GPX5: variants seen among roughly 807,000 people sequenced by gnomAD.
The protein encoded by GPX5 is glutathione peroxidase 5.
In GPX5, 20 loss-of-function variants were observed where a neutral mutation model predicts 23.8. The ratio of observed to expected loss-of-function variants is 0.84; its 90% CI spans 0.59 to 1.22. GPX5 has a LOEUF of 1.22. Among genes scored for constraint, GPX5 ranks in the 50% most tolerant of loss-of-function variants. The probability of loss-of-function intolerance (pLI) is 0.00; values close to 1 mark genes in which losing one functional copy is unlikely to be tolerated. For synonymous variants in GPX5, 92 were observed against 99.5 expected, an observed-to-expected ratio of 0.92 and a Z score of 0.45; for missense variants, 230 against 266.6, an observed-to-expected ratio of 0.86 and a Z score of 0.96.
intron 1 of GPX5, chr6:28,528,337 C>T (rs1041024108): frequency 6.6e-6 from 1 of 152,092 alleles, no homozygotes; most frequent in African/African-American, 2.4e-5. Context: ...CTTCATTTTA[C>T]TCATGGGGAA....
At chr6:28,529,634 G>A in intron 2 of GPX5, 30 bp downstream of exon 2, 1 of 1,514,754 alleles carries the variant, frequency 6.6e-7, no homozygotes, top group Non-Finnish European at 8.9e-7. Flanking sequence ...CTTCTCTTTG[G>A]GACTAAATTT....
At chr6:28,529,403 G>A (rs745779133) in intron 1 of GPX5, 48 bp from the exon 2 acceptor site, 1 of 1,455,886 alleles carries the variant, frequency 6.9e-7, no homozygotes, top group Non-Finnish European at 9.4e-7. Flanking sequence ...TTACACAGAT[G>A]CCAGGAATTA....
Position 28,525,938 on chromosome 6 carries a change from C to T in GPX5, c.-76C>T. On this transcript the variant is annotated 5_prime_UTR_variant, in exon 1 of 5. Coordinates refer to ENST00000412168, the MANE Select transcript of GPX5 (RefSeq NM_001509.3). ...GCCTGTGGGGGCTTGGGCTAAGTCC[C>T]TGCCAAGATACCAAAAGACTGCAGA... is the stretch of plus-strand genomic sequence containing the variant. 9.0e-7 allele frequency: 1 copy of T among 1,105,084 alleles called. No individual in the cohort carries two copies. Among genetic ancestry groups the T allele is most frequent in the Non-Finnish European group, 1.4e-6 (1 of 720,690 alleles). 68.5% of individuals were successfully genotyped at this position (1,105,084 alleles called of 1,614,324 possible).
chr6:28,532,367 G>A lies in GPX5; in HGVS notation c.406G>A (p.Glu136Lys). Residue 136 changes from glutamate (E) to lysine (K), a missense_variant, in exon 4 of 5, where the codon GAG becomes AAG. Physicochemically the swap from Glu to Lys is moderately conservative, Grantham distance 56. Coordinates refer to ENST00000412168, the MANE Select transcript of GPX5 (RefSeq NM_001509.3). The part of the protein sequence containing the change: ...GGFVPSFQLF[E>K]KGDVNGEKEQ... ...ATTTGTACCTAGTTTCCAGCTTTTT[G>A]AGAAAGGGGATGTGAATGGTGAAAA... The A allele has an allele frequency of 6.3e-7, 1 of 1,591,214 alleles. No homozygotes were observed.
intron 3 of GPX5, among the ~76,000 whole-genome samples, 182 bp from the exon 4 acceptor site, chr6:28,532,139 A>G (rs1298543412): frequency 6.6e-6 from 1 of 152,192 alleles, no homozygotes; most frequent in Non-Finnish European, 1.5e-5. Context: ...GAGACAAGTC[A>G]TGGGATAGAG....
At chr6:28,530,228 C>T (rs1763288265) in intron 2 of GPX5, 1 of 152,188 alleles carries the variant, frequency 6.6e-6, no homozygotes, top group Non-Finnish European at 1.5e-5. Flanking sequence ...TACTCCCTCT[C>T]CAACCTCAAC....
rs761191669 is a variant in GPX5 at position 28,529,476 on chromosome 6, G to T, written c.113G>T (p.Gly38Val). 1 of 1,608,880 alleles carries T rather than the reference G, an allele frequency of 6.2e-7. No homozygotes were observed. The change falls in exon 2 of 5, where the codon GGC (glycine) becomes GTC (valine). Residue 38 changes from glycine to valine, a missense_variant. Coordinates refer to ENST00000412168, the MANE Select transcript of GPX5 (RefSeq NM_001509.3). ...ATGGATTGCCACAAAGACGAGAAAGGCACCATCTATGACTATGAGGCCATC... is the reference window on the plus strand; with the variant it reads ...ATGGATTGCCACAAAGACGAGAAAGTCACCATCTATGACTATGAGGCCATC... ...MKMDCHKDEK[G>V]TIYDYEAIAL... is the part of the protein sequence containing the mutation.
intron 2 of GPX5, chr6:28,530,136 A>C (rs1017462903): frequency 6.6e-6 from 1 of 152,256 alleles, no homozygotes; most frequent in African/African-American, 2.4e-5. Flanking sequence ...GTAACTTACA[A>C]TGACAAGAAA....
chr6:28,532,773 C>T (rs777866083), intron 4 of GPX5, among the ~76,000 whole-genome samples: 4 of 152,164 alleles, frequency 2.6e-5, no homozygotes, highest in East Asian at 3.9e-4. Context: ...ATGAATAAGG[C>T]ATAGTCTGTA....
intron 1 of GPX5, among the ~76,000 whole-genome samples, chr6:28,528,848 T>TGGTAC (rs1397175783): frequency 4.1e-5 from 1 of 24,500 alleles, no homozygotes; most frequent in Admixed American, 3.1e-4. Flanking sequence ...TATATATATA[T>TGGTAC]ATATATATAT....
At chr6:28,533,364 G>T (rs1763362550) in intron 4 of GPX5, among the ~76,000 whole-genome samples, 1 of 152,004 alleles carries the variant, frequency 6.6e-6, no homozygotes, top group African/African-American at 2.4e-5. Context: ...ACCCCAGCCT[G>T]GGCGACACAG....
At position 28,526,023 on chromosome 6, in the gene GPX5, C is replaced by T; in HGVS notation, c.10C>T (p.Gln4Ter). ...TCTACAAACACTAGTCATGACTACA[C>T]AGTTAAGGGTCGTCCATCTGCTTCC... MTT[Q>*]LRVVHLLPLL... is the part of the protein sequence containing the mutation. The change falls in exon 1 of 5, where the codon CAG becomes TAG. Residue 4 changes from glutamine (Q) to a stop codon, truncating the protein, a stop_gained. Transcript: ENST00000412168. LOFTEE classifies it high-confidence loss of function. 6.2e-7 allele frequency: 1 copy of T among 1,611,872 alleles called. No individual in the cohort carries two copies. Among genetic ancestry groups the T allele is most frequent in the South Asian group, 1.1e-5 (1 of 91,004 alleles).
At position 28,533,966 on chromosome 6, in the gene GPX5, CT is replaced by C; in HGVS notation, c.466del (p.Cys156ValfsTer19). On this transcript the variant is annotated frameshift_variant, in exon 5 of 5. Transcript: ENST00000412168. LOFTEE classifies it high-confidence loss of function. ...QKVFSFLKHS[C>X]PHPSEILGTF... ...TTTCCATCTCTCTGGTTTAGCACTC[CT>C]GTCCTCATCCCTCTGAGATTTTGGG... is the stretch of plus-strand genomic sequence containing the variant. The C allele has an allele frequency of 1.3e-6, 2 of 1,576,488 alleles. No homozygotes were observed. The highest frequency in any genetic ancestry group is 1.7e-6 in the Non-Finnish European group (2 of 1,161,108).
intron 2 of GPX5, chr6:28,530,212 A>G (rs978806168): frequency 6.6e-6 from 1 of 152,204 alleles, no homozygotes; most frequent in African/African-American, 2.4e-5. Context: ...CTGTAATAGA[A>G]GCAAATACTC....
intron 2 of GPX5, among the ~76,000 whole-genome samples, 179 bp from the exon 3 acceptor site, chr6:28,531,599 G>A (rs145803742): frequency 3.9e-5 from 6 of 152,108 alleles, no homozygotes; most frequent in East Asian, 1.9e-4. Flanking sequence ...GCTTTTGAGC[G>A]CACGTCTGAA....
chr6:28,532,514 G>A (rs1763348710), intron 4 of GPX5, 94 bp downstream of exon 4: 4 of 812,684 alleles, frequency 4.9e-6, no homozygotes, highest in Non-Finnish European at 8.0e-6. Flanking sequence ...CTCATGCCCA[G>A]AGGTGGGATT....
intron 1 of GPX5, 150 bp downstream of exon 1, chr6:28,526,250 T>G (rs1034379541): frequency 3.1e-6 from 2 of 649,956 alleles, no homozygotes; most frequent in Non-Finnish European, 5.5e-6. Flanking sequence ...TTGAATCTTC[T>G]TCATTCCTAT....
chr6:28,531,398 AG>A lies in GPX5; in HGVS notation c.242-379del, dbSNP rs1562010451. Reference sequence around the variant, plus strand: ...AAAAAAAAAAAAAAAAAAAAAGAAAAGAAAAGAAAAGAAAAGAAAAGAAAAG... The same window carrying A: ...AAAAAAAAAAAAAAAAAAAAAGAAAAAAAAGAAAAGAAAAGAAAAGAAAAG... On this transcript the variant is annotated intron_variant, in intron 2 of 4. Transcript: ENST00000412168. 1.1e-3 allele frequency among the ~76,000 whole-genome samples: 101 copies of A among 94,008 alleles called. 1 individual carries two copies. Among genetic ancestry groups the A allele is most frequent in the African/African-American group, 1.3e-3 (31 of 23,512 alleles). The allele number at this position is 94,008 out of a possible 152,430, so 61.7% of individuals were successfully genotyped here. A position where few individuals can be genotyped will look rare whatever the true frequency, so the allele number is the denominator to read the frequency against.
rs549213560 is a variant in GPX5, at chr6:28,531,325, C to T, written c.242-453C>T. On this transcript the variant is annotated intron_variant, in intron 2 of 4. Coordinates refer to ENST00000412168, the MANE Select transcript of GPX5 (RefSeq NM_001509.3). ...GACGGAGGTTGCAGTGAGCCGAGAT[C>T]GCGCCACTGCACTCCAGCCTGGGCG... Among the ~76,000 whole-genome samples, 7 of 137,714 alleles carry T rather than the reference C, an allele frequency of 5.1e-5. No individual in the cohort carries two copies. In the South Asian group the frequency reaches 1.6e-3, roughly 32 times the overall value. 90.3% of individuals were successfully genotyped at this position (137,714 alleles called of 152,430 possible).
Sources: gnomAD v4.1 joint callset for allele counts (sites outside exome capture counted in the v4.1 genomes callset) on GRCh38, gnomAD v4.1.1 for gene constraint, MANE v1.5 for transcripts, NCBI Gene and HGNC (gene_info 2026-07-23, HGNC 2026-07-21) for gene names.